The following NRXN3 variants were observed in gnomAD, a reference collection of about 807,000 sequenced individuals.
NRXN3 encodes the protein neurexin 3.
In NRXN3, 32 loss-of-function variants were observed where a neutral mutation model predicts 137.6. The observed-to-expected ratio is 0.23, with a 90% confidence interval of 0.18 to 0.31. The LOEUF (loss-of-function observed/expected upper bound fraction) is 0.31, where lower values mean the gene tolerates loss of function less well. NRXN3 is among the 10% of genes least tolerant of loss of function. The pLI, the probability that NRXN3 is intolerant of heterozygous loss-of-function variation, is 1.00. For synonymous variants in NRXN3, 798 were observed against 784.5 expected (o/e 1.02, Z -0.29); for missense variants, 1,574 against 2,062.5 (o/e 0.76, Z 4.59).
chr14:79,831,632 C>G (rs2099324044), intron 20 of NRXN3, among the ~76,000 whole-genome samples: 1 of 152,124 alleles, frequency 6.6e-6, no homozygotes, highest in Admixed American at 6.6e-5. Context: ...AGCTCCATCA[C>G]TCTAAGAAAT....
Position 79,208,027 on chromosome 14 carries a change from G to T in NRXN3, c.3262+219886G>T, listed in dbSNP as rs977345360. On this transcript the variant is annotated intron_variant, in intron 15 of 20. Transcript: ENST00000335750. ...AGAAGTTAAGTAACTTGCCCAGAGG[G>T]TATAAAGAGGAAGGGACAAGGTGAT... 3.3e-5 allele frequency among the ~76,000 whole-genome samples: 5 copies of T among 152,226 alleles called. No homozygotes were observed. In the East Asian group the frequency reaches 5.8e-4, roughly 18 times the overall value.
At chr14:79,470,355 G>T (rs1166199992) in intron 16 of NRXN3, among the ~76,000 whole-genome samples, 1 of 152,118 alleles carries the variant, frequency 6.6e-6, no homozygotes, top group African/African-American at 2.4e-5. Context: ...TCAAGGTACT[G>T]GCAGGTCTGG....
At chr14:79,373,193 T>C (rs1599340587) in intron 15 of NRXN3, among the ~76,000 whole-genome samples, 1 of 152,254 alleles carries the variant, frequency 6.6e-6, no homozygotes, top group East Asian at 1.9e-4. Context: ...TTGCTGTGAC[T>C]TGCACCTACT....
chr14:79,496,490 G>A (rs1019077661), intron 16 of NRXN3, among the ~76,000 whole-genome samples: 1 of 152,172 alleles, frequency 6.6e-6, no homozygotes, highest in African/African-American at 2.4e-5. Context: ...CATTCTTGGT[G>A]AATTGGAAGG....
At chr14:78,761,583 AACTTTT>A (rs1316991891) in intron 8 of NRXN3, among the ~76,000 whole-genome samples, 7 of 152,166 alleles carry the variant, frequency 4.6e-5, no homozygotes, top group Non-Finnish European at 7.3e-5. Context: ...ACTGAGCTTG[AACTTTT>A]ACTTGATTGT....
chr14:79,296,696 GA>G (rs972874790), intron 15 of NRXN3, among the ~76,000 whole-genome samples: 106 of 152,122 alleles, frequency 7.0e-4, no homozygotes, highest in African/African-American at 2.4e-3. Flanking sequence ...ATTTACAAGA[GA>G]AAAAAAGGGT....
chr14:79,221,244 T>C (rs1383654979), intron 15 of NRXN3, among the ~76,000 whole-genome samples: 1 of 152,208 alleles, frequency 6.6e-6, no homozygotes, highest in Admixed American at 6.5e-5. Flanking sequence ...AGTAGAATCA[T>C]TTATTATCCT....
chr14:78,809,198 C>T (rs764768707), intron 9 of NRXN3, among the ~76,000 whole-genome samples: 2 of 152,168 alleles, frequency 1.3e-5, no homozygotes, highest in African/African-American at 2.4e-5. Flanking sequence ...ATATGCTGAT[C>T]TCTGGCACAG....
At chr14:78,942,517 A>G (rs530926512) in intron 10 of NRXN3, among the ~76,000 whole-genome samples, 1 of 152,344 alleles carries the variant, frequency 6.6e-6, no homozygotes, top group East Asian at 1.9e-4. Context: ...AATTTGCCAA[A>G]TATATCATAA....
chr14:79,472,230 T>C (rs997718442), intron 16 of NRXN3, among the ~76,000 whole-genome samples: 2 of 152,212 alleles, frequency 1.3e-5, no homozygotes, highest in Admixed American at 1.3e-4. Flanking sequence ...GCTCAGATTG[T>C]CTTTCATTCT....
intron 14 of NRXN3, among the ~76,000 whole-genome samples, chr14:78,978,586 G>A (rs952288168): frequency 5.3e-5 from 8 of 151,622 alleles, no homozygotes; most frequent in African/African-American, 1.9e-4. Flanking sequence ...TAGCTTTGCT[G>A]AAGGGTCCAA....
At chr14:79,449,475 G>A (rs1270084703) in intron 15 of NRXN3, among the ~76,000 whole-genome samples, 1 of 152,150 alleles carries the variant, frequency 6.6e-6, no homozygotes, top group Non-Finnish European at 1.5e-5. Flanking sequence ...TTTTTAGGGA[G>A]TATAGAAATT....
In NRXN3 at chr14:78,758,300, ATGT is replaced by A. The variant is rs1283833426; in HGVS notation, c.2044+43165_2044+43167del. ...CTACTCTAATAGCGAATTTAAAATAATGTTGTAAAAGTGCTGTAATCACTGTGC... is the reference window on the plus strand; with the variant it reads ...CTACTCTAATAGCGAATTTAAAATAATGTAAAAGTGCTGTAATCACTGTGC... On this transcript the variant is annotated intron_variant, in intron 8 of 20. Coordinates refer to ENST00000335750, the MANE Select transcript of NRXN3 (RefSeq NM_001330195.2). 3.3e-5 allele frequency among the ~76,000 whole-genome samples: 5 copies of A among 152,328 alleles called. No individual in the cohort carries two copies. The East Asian group carries it at 7.7e-4, about 23-fold the overall frequency.
intron 1 of NRXN3, among the ~76,000 whole-genome samples, chr14:78,227,266 T>C (rs1567017636): frequency 6.6e-6 from 1 of 152,208 alleles, no homozygotes; most frequent in Non-Finnish European, 1.5e-5. Flanking sequence ...TAAGATTCAA[T>C]TGCATCACTT....
intron 15 of NRXN3, among the ~76,000 whole-genome samples, chr14:79,178,325 G>A (rs113376140): frequency 1.1e-3 from 169 of 152,156 alleles, no homozygotes; most frequent in African/African-American, 3.5e-3. Context: ...AACCTTAAGC[G>A]TCTTGGCAAG....
At chr14:79,711,512 G>GTCTT (rs112616048) in intron 19 of NRXN3, among the ~76,000 whole-genome samples, 2,497 of 151,680 alleles carry the variant, frequency 0.016, 68 homozygotes, top group African/African-American at 0.055. Flanking sequence ...TAGAGATGAG[G>GTCTT]TCTTACTTTA....
intron 4 of NRXN3, among the ~76,000 whole-genome samples, chr14:78,548,252 G>C (rs77020324): frequency 0.23 from 35,172 of 151,996 alleles, 4,345 homozygotes; most frequent in Middle Eastern, 0.32. Context: ...ACTTTGATAA[G>C]CTATCTGGAT....
chr14:78,651,314 C>T lies in NRXN3; in HGVS notation c.1209C>T (p.Gly403=), dbSNP rs1398346818. 1.9e-6 allele frequency: 3 copies of T among 1,613,850 alleles called. No individual in the cohort carries two copies. Among genetic ancestry groups the T allele is most frequent in the Non-Finnish European group, 2.5e-6 (3 of 1,179,904 alleles). Residue 403 remains glycine (G), a synonymous_variant, in exon 6 of 21, where the codon GGC becomes GGT. Transcript: ENST00000335750. Reference sequence around the variant, plus strand: ...CCCCTGTCAGCAACAACTTCATGGGCTGCCTTAAAGAGGTAAAGTTCACCC... The same window carrying T: ...CCCCTGTCAGCAACAACTTCATGGGTTGCCTTAAAGAGGTAAAGTTCACCC... ...PGSPVSNNFM[G]CLKEVVYKNN...
intron 20 of NRXN3, among the ~76,000 whole-genome samples, chr14:79,827,042 G>A (rs2099305492): frequency 6.6e-6 from 1 of 152,162 alleles, no homozygotes; most frequent in African/African-American, 2.4e-5. Context: ...TCACTTAGCT[G>A]CAGATTGAGC....
Sources: allele counts gnomAD v4.1 joint callset (sites outside exome capture counted in the v4.1 genomes callset), GRCh38; gene constraint gnomAD v4.1.1; transcripts MANE v1.5; gene names NCBI Gene and HGNC (gene_info 2026-07-23, HGNC 2026-07-21).